The following SPMAP2L variants were observed in gnomAD, a reference collection of about 807,000 sequenced individuals.
SPMAP2L encodes sperm microtubule associated protein 2-like.
the SPMAP2L span, among the ~76,000 whole-genome samples, chr4:56,565,481 A>G: frequency 6.6e-6 from 1 of 152,294 alleles, no homozygotes; most frequent in Non-Finnish European, 1.5e-5. Flanking sequence ...ACCTTGTGTG[A>G]TGGGTCACAG....
chr4:56,567,340 C>T, the SPMAP2L span, among the ~76,000 whole-genome samples: 1 of 151,004 alleles, frequency 6.6e-6, no homozygotes, highest in Non-Finnish European at 1.5e-5. Context: ...GATGTTGGCT[C>T]ACTGCAACTT....
the SPMAP2L span, among the ~76,000 whole-genome samples, chr4:56,569,756 C>G: frequency 3.3e-5 from 5 of 152,164 alleles, no homozygotes; most frequent in East Asian, 9.7e-4. Context: ...ATGATTGCAT[C>G]ACTGCATTCC....
the SPMAP2L span, among the ~76,000 whole-genome samples, chr4:56,547,571 C>T: frequency 6.6e-6 from 1 of 152,114 alleles, no homozygotes; most frequent in Non-Finnish European, 1.5e-5. Context: ...TTACACAGAC[C>T]TATTAATCCT....
At chr4:56,532,972 T>G in the SPMAP2L span, among the ~76,000 whole-genome samples, 1 of 152,186 alleles carries the variant, frequency 6.6e-6, no homozygotes, top group African/African-American at 2.4e-5. Context: ...CCCTATCAAA[T>G]TTTCAGCTTA....
the SPMAP2L span, chr4:56,594,638 G>T: frequency 7.3e-7 from 1 of 1,365,310 alleles, no homozygotes; most frequent in Non-Finnish European, 1.0e-6. Context: ...TGCCCACATG[G>T]CAGGCATGAA....
the SPMAP2L span, chr4:56,594,546 G>C: frequency 1.9e-6 from 3 of 1,608,700 alleles, no homozygotes; most frequent in Non-Finnish European, 2.6e-6. Context: ...GCCACTATCC[G>C]AGCCTACTTA....
At chr4:56,548,674 C>A in the SPMAP2L span, 2 of 567,172 alleles carry the variant, frequency 3.5e-6, no homozygotes, top group Non-Finnish European at 5.5e-6. Flanking sequence ...TTCAGTTGGC[C>A]ATTTCCCCAA....
the SPMAP2L span, among the ~76,000 whole-genome samples, chr4:56,532,647 C>T: frequency 2.0e-5 from 3 of 152,150 alleles, no homozygotes; most frequent in African/African-American, 7.2e-5. Context: ...TACTCACTGA[C>T]TCAATTTCTT....
the SPMAP2L span, among the ~76,000 whole-genome samples, chr4:56,623,583 C>T: frequency 1.3e-5 from 2 of 152,168 alleles, no homozygotes; most frequent in African/African-American, 4.8e-5. Flanking sequence ...TCCCAGAATT[C>T]CAATGTGTTG....
chr4:56,572,175 T>C, the SPMAP2L span, among the ~76,000 whole-genome samples: 3 of 152,198 alleles, frequency 2.0e-5, no homozygotes, highest in African/African-American at 7.2e-5. Flanking sequence ...CTGTTTAAAA[T>C]TGGATTTTAC....
chr4:56,612,923 G>A, the SPMAP2L span, among the ~76,000 whole-genome samples: 1 of 152,120 alleles, frequency 6.6e-6, no homozygotes, highest in Non-Finnish European at 1.5e-5. Context: ...GAATTTCCCA[G>A]GCATTTTGAA....
At chr4:56,585,849 G>A in the SPMAP2L span, among the ~76,000 whole-genome samples, 1 of 152,026 alleles carries the variant, frequency 6.6e-6, no homozygotes, top group Non-Finnish European at 1.5e-5. Context: ...ACTAGCAATA[G>A]GATCATTAAT....
At chr4:56,576,156 T>C in the SPMAP2L span, among the ~76,000 whole-genome samples, 6 of 152,334 alleles carry the variant, frequency 3.9e-5, no homozygotes, top group Non-Finnish European at 7.3e-5. Context: ...TGTGTGCTAC[T>C]TTAGTCGGAA....
At chr4:56,543,905 T>A in the SPMAP2L span, among the ~76,000 whole-genome samples, 62 of 114,414 alleles carry the variant, frequency 5.4e-4, no homozygotes, top group African/African-American at 1.7e-3. Context: ...AGTGTGTGTG[T>A]GTGTGTGTGT....
At chr4:56,585,058 T>C in the SPMAP2L span, among the ~76,000 whole-genome samples, 9 of 152,226 alleles carry the variant, frequency 5.9e-5, no homozygotes, top group Admixed American at 5.9e-4. Context: ...CAAGGGAGGC[T>C]CAGCAGTATT....
the SPMAP2L span, among the ~76,000 whole-genome samples, chr4:56,612,782 G>T: frequency 6.6e-6 from 1 of 151,762 alleles, no homozygotes; most frequent in East Asian, 1.9e-4. Flanking sequence ...GGCCAGGCTG[G>T]TCTCGAACTC....
At chr4:56,577,641 A>T in the SPMAP2L span, among the ~76,000 whole-genome samples, 1 of 152,196 alleles carries the variant, frequency 6.6e-6, no homozygotes, top group Non-Finnish European at 1.5e-5. Flanking sequence ...TAAGCTAAGA[A>T]TACTCTGTTT....
the SPMAP2L span, among the ~76,000 whole-genome samples, chr4:56,543,934 GA>G: frequency 0.034 from 2,748 of 81,806 alleles, 126 homozygotes; most frequent in African/African-American, 0.1. Flanking sequence ...GTATGTGAGA[GA>G]GAGAGAGAGA....
chr4:56,564,407 T>TG, the SPMAP2L span, among the ~76,000 whole-genome samples: 3 of 152,226 alleles, frequency 2.0e-5, no homozygotes, highest in Non-Finnish European at 4.4e-5. Context: ...CCCAAAGTGC[T>TG]GGGATTACAA....
Sources: gnomAD v4.1 joint callset for allele counts (sites outside exome capture counted in the v4.1 genomes callset) on GRCh38, gnomAD v4.1.1 for gene constraint, MANE v1.5 for transcripts, NCBI Gene and HGNC (gene_info 2026-07-23, HGNC 2026-07-21) for gene names.